The following GRIP1 variants were observed in gnomAD, a reference collection of about 807,000 sequenced individuals.
GRIP1 encodes glutamate receptor-interacting protein 1.
A neutral mutation model predicts 129.9 loss-of-function variants in GRIP1; 45 were observed. That is an observed-to-expected ratio of 0.35 (90% CI 0.27 to 0.44). GRIP1 has a LOEUF of 0.44. GRIP1 is among the 20% of genes least tolerant of loss of function. The pLI is 1.00. For missense variants in GRIP1, 1,196 were observed against 1,396.8 expected, an observed-to-expected ratio of 0.86 and a Z score of 2.29; for synonymous variants, 530 against 520.8, an observed-to-expected ratio of 1.02 and a Z score of -0.24.
chr12:67,017,427 A>G (rs2042804311), intron 1 of GRIP1, among the ~76,000 whole-genome samples: 1 of 152,020 alleles, frequency 6.6e-6, no homozygotes, highest in Non-Finnish European at 1.5e-5. Flanking sequence ...ATGGGTGGAG[A>G]ATTAGGAAGA....
At chr12:67,026,600 TC>T (rs1169114632) in intron 1 of GRIP1, among the ~76,000 whole-genome samples, 3 of 152,232 alleles carry the variant, frequency 2.0e-5, no homozygotes, top group African/African-American at 4.8e-5. Flanking sequence ...TTTTCGGCTC[TC>T]TGTAATCCTT....
intron 1 of GRIP1, among the ~76,000 whole-genome samples, chr12:66,785,957 C>T (rs1480910467): frequency 1.3e-5 from 2 of 152,144 alleles, no homozygotes; most frequent in South Asian, 2.1e-4. Context: ...GTGGCATGCA[C>T]CAATAGTCCC....
intron 5 of GRIP1, among the ~76,000 whole-genome samples, chr12:66,527,118 C>G (rs1463861043): frequency 6.8e-6 from 1 of 147,034 alleles, no homozygotes; most frequent in Non-Finnish European, 1.5e-5. Flanking sequence ...GTCAGTGTGG[C>G]GATTCCTCAG....
chr12:66,556,421 A>G (rs2139358852), intron 2 of GRIP1, among the ~76,000 whole-genome samples: 1 of 152,310 alleles, frequency 6.6e-6, no homozygotes, highest in East Asian at 1.9e-4. Flanking sequence ...CCTACAAGAA[A>G]TGCTAAGGGG....
chr12:66,783,187 C>G (rs2038214219), intron 1 of GRIP1, among the ~76,000 whole-genome samples: 1 of 152,104 alleles, frequency 6.6e-6, no homozygotes, highest in Non-Finnish European at 1.5e-5. Context: ...TGCATTACCA[C>G]ACTTGGCTAC....
At chr12:66,629,854 T>C (rs2030547822) in intron 1 of GRIP1, among the ~76,000 whole-genome samples, 2 of 152,306 alleles carry the variant, frequency 1.3e-5, no homozygotes, top group African/African-American at 2.4e-5. Flanking sequence ...AGATTCTAGT[T>C]TCATATAGCT....
chr12:66,635,441 A>G (rs1024190935), intron 1 of GRIP1, among the ~76,000 whole-genome samples: 4 of 152,006 alleles, frequency 2.6e-5, no homozygotes, highest in Non-Finnish European at 5.9e-5. Context: ...AAAAGAAAAA[A>G]AGAAAAAAGA....
At chr12:67,030,625 C>T (rs550466599) in intron 1 of GRIP1, among the ~76,000 whole-genome samples, 15 of 152,318 alleles carry the variant, frequency 9.8e-5, no homozygotes, top group African/African-American at 3.4e-4. Flanking sequence ...AGTTAAGCCT[C>T]AGGTTTCACC....
intron 1 of GRIP1, among the ~76,000 whole-genome samples, chr12:66,842,007 T>C (rs1477649213): frequency 2.0e-5 from 3 of 152,206 alleles, no homozygotes; most frequent in Non-Finnish European, 4.4e-5. Context: ...CAATGATTTA[T>C]CTACCCTTGC....
At chr12:66,591,461 G>A (rs1038746913) in intron 2 of GRIP1, among the ~76,000 whole-genome samples, 3 of 152,082 alleles carry the variant, frequency 2.0e-5, no homozygotes, top group Non-Finnish European at 4.4e-5. Context: ...AGAAGCAAAG[G>A]TACTTATCCC....
chr12:66,903,639 A>C (rs1304876499), intron 1 of GRIP1, among the ~76,000 whole-genome samples: 1 of 152,216 alleles, frequency 6.6e-6, no homozygotes, highest in Non-Finnish European at 1.5e-5. Flanking sequence ...TAATCAAAGA[A>C]AGATTTTAGG....
chr12:66,647,467 A>G (rs2032463893), intron 1 of GRIP1: 1 of 152,210 alleles, frequency 6.6e-6, no homozygotes, highest in Non-Finnish European at 1.5e-5. Context: ...GAAGAAAACT[A>G]TGAATCACCT....
intron 1 of GRIP1, among the ~76,000 whole-genome samples, chr12:66,819,793 G>C (rs538250789): frequency 6.6e-6 from 1 of 152,232 alleles, no homozygotes; most frequent in African/African-American, 2.4e-5. Flanking sequence ...ACCCATCAGA[G>C]ATGTGATATC....
chr12:66,567,040 T>A (rs7980394), intron 2 of GRIP1, among the ~76,000 whole-genome samples: 158 of 151,964 alleles, frequency 1.0e-3, no homozygotes, highest in African/African-American at 1.1e-3. Flanking sequence ...TCTTGCTAGC[T>A]GTCTATCAAT....
At chr12:66,811,620 G>A (rs2039106569) in intron 1 of GRIP1, among the ~76,000 whole-genome samples, 1 of 151,540 alleles carries the variant, frequency 6.6e-6, no homozygotes, top group African/African-American at 2.4e-5. Flanking sequence ...CTCTCTCTCT[G>A]ACTCTCTCCT....
chr12:66,517,964 T>A lies in GRIP1; in HGVS notation c.515A>T (p.Asp172Val), dbSNP rs1169777402. ...FGFVIRGGAH[D>V]DRNKSRPVVI... is the part of the protein sequence containing the mutation. Reference sequence around the variant, plus strand: ...AACTGGACGAGATTTATTTCTATCATCATGTGCTCCCCCTAGCAAAGAAAA... The same window carrying A: ...AACTGGACGAGATTTATTTCTATCAACATGTGCTCCCCCTAGCAAAGAAAA... The change falls in exon 6 of 25, where the codon GAT becomes GTT. Residue 172 changes from aspartate (D) to valine (V), a missense_variant. This residue lies in a region of GRIP1 where 217 missense variants were observed against 224.8 expected (regional missense o/e 0.97). Coordinates refer to ENST00000359742, the MANE Select transcript of GRIP1 (RefSeq NM_001366722.1). The A allele has an allele frequency of 1.3e-6, 2 of 1,588,706 alleles. No homozygotes were observed. Among genetic ancestry groups the A allele is most frequent in the South Asian group, 2.2e-5 (2 of 90,602 alleles).
At chr12:66,602,027 G>A (rs756118561) in intron 1 of GRIP1, among the ~76,000 whole-genome samples, 10 of 152,190 alleles carry the variant, frequency 6.6e-5, no homozygotes, top group Non-Finnish European at 1.0e-4. Flanking sequence ...TGGAGGTGAA[G>A]CACAGGATGA....
chr12:66,573,044 T>C (rs1328686555), intron 2 of GRIP1, among the ~76,000 whole-genome samples: 1 of 152,236 alleles, frequency 6.6e-6, no homozygotes. Context: ...ATATGCCGAC[T>C]ATGCACATAT....
At chr12:66,694,699 G>A (rs1159213242) in intron 1 of GRIP1, among the ~76,000 whole-genome samples, 2 of 152,032 alleles carry the variant, frequency 1.3e-5, no homozygotes, top group African/African-American at 4.8e-5. Flanking sequence ...TTATTTCTGA[G>A]GTCTAATATT....
Sources: gnomAD v4.1 joint callset for allele counts (sites outside exome capture counted in the v4.1 genomes callset) on GRCh38, gnomAD v4.1.1 for gene constraint, gnomAD v4.1.1 regional missense constraint, MANE v1.5 for transcripts, NCBI Gene and HGNC (gene_info 2026-07-23, HGNC 2026-07-21) for gene names.